The following TUBGCP3 variants were observed in gnomAD, a reference collection of about 807,000 sequenced individuals.
TUBGCP3 encodes the protein gamma-tubulin complex component 3.
Under a neutral mutation model 123.1 loss-of-function variants are expected in TUBGCP3, and 50 were observed. The observed-to-expected ratio is 0.41, with a 90% CI of 0.32 to 0.51. The LOEUF (loss-of-function observed/expected upper bound fraction) is 0.51. Ranked by LOEUF, TUBGCP3 falls within the 20% of genes least tolerant of loss-of-function variation. The pLI is 0.36. For synonymous variants in TUBGCP3, 405 were observed against 413.9 expected (o/e 0.98, Z 0.26); for missense variants, 882 against 1,127.0 (o/e 0.78, Z 3.11).
chr13:112,532,440 G>A (rs1877659478), intron 11 of TUBGCP3, among the ~76,000 whole-genome samples: 2 of 152,136 alleles, frequency 1.3e-5, no homozygotes, highest in African/African-American at 2.4e-5. Flanking sequence ...ATCAAGTCTG[G>A]AAATCTAATT....
intron 18 of TUBGCP3, 129 bp from the exon 19 acceptor site, chr13:112,504,292 A>C (rs773272739): frequency 1.7e-6 from 2 of 1,203,134 alleles, no homozygotes; most frequent in Non-Finnish European, 1.2e-6. Context: ...GTTAGAAACC[A>C]GCCTGGCCAA....
intron 1 of TUBGCP3, among the ~76,000 whole-genome samples, chr13:112,582,604 CCACT>C (rs1173641785): frequency 2.0e-5 from 3 of 152,218 alleles, no homozygotes; most frequent in African/African-American, 4.8e-5. Flanking sequence ...GCTCTAAATG[CCACT>C]CAGTCAGTCA....
intron 1 of TUBGCP3, among the ~76,000 whole-genome samples, chr13:112,581,073 A>G (rs1309499575): frequency 6.6e-6 from 1 of 152,096 alleles, no homozygotes; most frequent in Non-Finnish European, 1.5e-5. Context: ...TCCTGGCCCC[A>G]GCCCAGGGAG....
chr13:112,542,635 T>G (rs758783064), intron 11 of TUBGCP3, among the ~76,000 whole-genome samples: 11 of 152,190 alleles, frequency 7.2e-5, no homozygotes, highest in Non-Finnish European at 1.3e-4. Context: ...ATATGTATTT[T>G]AACATTGAAC....
chr13:112,558,101 T>C (rs956409275), intron 5 of TUBGCP3, 95 bp downstream of exon 5: 27 of 1,353,192 alleles, frequency 2.0e-5, no homozygotes, highest in Non-Finnish European at 2.5e-5. Context: ...GAGGCCCCAC[T>C]GATACTGTGG....
chr13:112,506,438 G>A (rs554079787), intron 17 of TUBGCP3, among the ~76,000 whole-genome samples: 4 of 152,276 alleles, frequency 2.6e-5, no homozygotes, highest in African/African-American at 4.8e-5. Context: ...ACATGGCTCC[G>A]CAGACAGTTA....
At chr13:112,502,571 A>G (rs1335066392) in intron 19 of TUBGCP3, among the ~76,000 whole-genome samples, 13 of 136,072 alleles carry the variant, frequency 9.6e-5, no homozygotes, top group African/African-American at 3.7e-4. Context: ...TTTGAGACAG[A>G]GTCTCGCTCT....
intron 4 of TUBGCP3, 106 bp from the exon 5 acceptor site, chr13:112,558,519 G>T: frequency 1.0e-6 from 1 of 977,426 alleles, no homozygotes; most frequent in East Asian, 2.5e-5. Context: ...TTCTGTAACT[G>T]GATTTGGGTT....
At chr13:112,504,588 T>C (rs757396379) in intron 18 of TUBGCP3, 38 bp downstream of exon 18, 7 of 1,539,002 alleles carry the variant, frequency 4.5e-6, no homozygotes, top group Non-Finnish European at 5.4e-6. Context: ...AAGACATGAC[T>C]TATTTAAACT....
At position 112,508,239 on chromosome 13, in the gene TUBGCP3, G is replaced by T. The variant is rs1043069418; in HGVS notation, c.2087-3525C>A. 6.6e-6 allele frequency among the ~76,000 whole-genome samples: 1 copy of T among 152,032 alleles called. No individual in the cohort carries two copies. Among genetic ancestry groups the T allele is most frequent in the Non-Finnish European group, 1.5e-5 (1 of 67,986 alleles). On this transcript the variant is annotated intron_variant, in intron 17 of 21. Coordinates refer to ENST00000261965, the MANE Select transcript of TUBGCP3 (RefSeq NM_006322.6). This position sits in a 1 kb window ranked among gnomAD's most constrained non-coding sequence, Gnocchi z 4.2. ...TAGCACACACTTAAAAGGCCAACCC[G>T]TATCCCCTCACTCTGAATCCATCTA...
rs757859164 is a variant in TUBGCP3, at chr13:112,547,512, G to C, written c.1168+108C>G. ...CAAAGCGAGTGCCAGACGCGCGTGG[G>C]AAAGACGCGCGTGGGAAAGACGTGC... On this transcript the variant is annotated intron_variant, in intron 10 of 21. Transcript: ENST00000261965. 69 of 1,339,886 alleles carry C rather than the reference G, an allele frequency of 5.1e-5. No individual in the cohort carries two copies. The East Asian group carries it at 1.7e-3, about 34-fold the overall frequency. The allele number at this position is 1,339,886 out of a possible 1,614,324, so 83.0% of individuals were successfully genotyped here.
chr13:112,574,562 C>G (rs911385266), intron 1 of TUBGCP3, among the ~76,000 whole-genome samples: 2 of 152,228 alleles, frequency 1.3e-5, no homozygotes, highest in Admixed American at 6.5e-5. Context: ...GAAACAGAAA[C>G]TGAAGAATCC....
rs998694592 is a variant in TUBGCP3 at position 112,494,299 on chromosome 13, A to G, written c.2449-4602T>C. ...AGTTCGGCACTGGTTCCTGCCTAAC[A>G]GTATTCCAAAGTGGTTATTCCAGTT... On this transcript the variant is annotated intron_variant, in intron 20 of 21. Coordinates refer to ENST00000261965, the MANE Select transcript of TUBGCP3 (RefSeq NM_006322.6). Among the ~76,000 whole-genome samples the G allele has an allele frequency of 2.6e-5, 4 of 152,256 alleles. No homozygotes were observed. In the South Asian group the frequency reaches 6.2e-4, roughly 24 times the overall value.
intron 16 of TUBGCP3, among the ~76,000 whole-genome samples, chr13:112,517,880 A>C (rs1301657233): frequency 6.6e-6 from 1 of 152,210 alleles, no homozygotes; most frequent in Non-Finnish European, 1.5e-5. Flanking sequence ...TGACAGAGTG[A>C]GACTCTGTGT....
intron 19 of TUBGCP3, among the ~76,000 whole-genome samples, chr13:112,500,161 C>CT (rs1462256280): frequency 6.6e-6 from 1 of 152,126 alleles, no homozygotes; most frequent in East Asian, 1.9e-4. Flanking sequence ...AAAAAACACA[C>CT]TAACAGTCTG....
chr13:112,563,592 G>A (rs952171579), intron 3 of TUBGCP3, among the ~76,000 whole-genome samples: 5 of 151,934 alleles, frequency 3.3e-5, no homozygotes, highest in South Asian at 2.1e-4. Flanking sequence ...GGCCAGGCGC[G>A]GTGGCTCACG....
In TUBGCP3 at chr13:112,545,824, T is replaced by C; in HGVS notation, c.1210A>G (p.Thr404Ala). 1.9e-6 allele frequency: 3 copies of C among 1,614,184 alleles called. No homozygotes were observed. Among genetic ancestry groups the C allele is most frequent in the Non-Finnish European group, 2.5e-6 (3 of 1,180,014 alleles). The change falls in exon 11 of 22, where the codon ACA becomes GCA. Residue 404 changes from threonine to alanine, a missense_variant. Thr to Ala is a moderately conservative substitution (Grantham distance 58, BLOSUM62 0). Coordinates refer to ENST00000261965, the MANE Select transcript of TUBGCP3 (RefSeq NM_006322.6). This position sits in a 1 kb window ranked among gnomAD's most constrained non-coding sequence, Gnocchi z 4.1. ...CGCATGTACGGGTCTCCTGTTTTTG[T>C]GTAGGCGTGGACAGCTGAGGCCAGC... ...GELASAVHAY[T>A]KTGDPYMRSL...
chr13:112,534,539 T>C (rs933653229), intron 11 of TUBGCP3, among the ~76,000 whole-genome samples: 5 of 151,894 alleles, frequency 3.3e-5, no homozygotes, highest in Non-Finnish European at 7.4e-5. Context: ...AGAGGGAAAC[T>C]CCGTCTCAAA....
At chr13:112,588,196 C>A, upstream of TUBGCP3, 1 of 405,122 alleles carries the variant, frequency 2.5e-6, no homozygotes, top group South Asian at 6.7e-5. Context: ...GCGCCGCGGC[C>A]GCGCGTGCGG....
Sources: gnomAD v4.1 joint callset for allele counts (sites outside exome capture counted in the v4.1 genomes callset) on GRCh38, gnomAD v4.1.1 for gene constraint, Gnocchi (gnomAD v3.1) non-coding constraint, MANE v1.5 for transcripts, NCBI Gene and HGNC (gene_info 2026-07-23, HGNC 2026-07-21) for gene names.